Variants in GRAMD1B observed in about 807,000 individuals in gnomAD.
The protein encoded by GRAMD1B is GRAM domain containing 1B, also known as protein Aster-B.
Under a neutral mutation model 99.7 loss-of-function variants are expected in GRAMD1B, and 37 were observed. That is an observed-to-expected ratio of 0.37 (90% CI 0.29 to 0.49). The LOEUF is 0.49. Ranked by LOEUF, GRAMD1B falls within the 20% of genes least tolerant of loss-of-function variation. The pLI, the probability that GRAMD1B is intolerant of heterozygous loss-of-function variation, is 0.98. For synonymous variants in GRAMD1B, 427 were observed against 387.6 expected (o/e 1.10, Z -1.19); for missense variants, 888 against 1,009.2 (o/e 0.88, Z 1.63).
chr11:123,568,087 T>G (rs1166515762), intron 2 of GRAMD1B, among the ~76,000 whole-genome samples: 3 of 152,024 alleles, frequency 2.0e-5, no homozygotes, highest in Admixed American at 6.5e-5. Context: ...ATCTTTAAAT[T>G]TCTTTGTAAA....
At chr11:123,474,076 G>A (rs532544107) in intron 1 of GRAMD1B, among the ~76,000 whole-genome samples, 1 of 152,276 alleles carries the variant, frequency 6.6e-6, no homozygotes, top group Admixed American at 6.5e-5. Flanking sequence ...GGCCTTTTCT[G>A]TTATCTTTCT....
intron 2 of GRAMD1B, among the ~76,000 whole-genome samples, chr11:123,547,166 G>C (rs1317873036): frequency 6.6e-6 from 1 of 152,174 alleles, no homozygotes; most frequent in Non-Finnish European, 1.5e-5. Flanking sequence ...AGATTGAAAG[G>C]CCTTTCCACT....
intron 1 of GRAMD1B, among the ~76,000 whole-genome samples, chr11:123,479,482 A>G (rs1476809026): frequency 6.6e-6 from 1 of 152,224 alleles, no homozygotes; most frequent in African/African-American, 2.4e-5. Context: ...CCACCAGAAC[A>G]AGGAGAAAAT....
At chr11:123,469,772 T>TCTCCTTCCTTCCTTCCTTCCTTCC (rs1950907169) in intron 1 of GRAMD1B, among the ~76,000 whole-genome samples, 2 of 108,290 alleles carry the variant, frequency 1.8e-5, no homozygotes, top group Admixed American at 9.4e-5. Context: ...TTTCTTTCTC[T>TCTCCTTCCTTCCTTCCTTCCTTCC]TTCTTTCCTT....
intron 2 of GRAMD1B, among the ~76,000 whole-genome samples, chr11:123,527,375 A>T (rs997976691): frequency 6.6e-6 from 1 of 152,090 alleles, no homozygotes; most frequent in Non-Finnish European, 1.5e-5. Context: ...AGGGCCCTTT[A>T]GTGGGTCTTG....
chr11:123,612,701 T>C (rs538842259), intron 14 of GRAMD1B, 60 bp from the exon 15 acceptor site: 12 of 931,356 alleles, frequency 1.3e-5, no homozygotes, highest in African/African-American at 1.6e-5. Context: ...ATTTCCCTTT[T>C]CCCAGCAGAG....
chr11:123,532,864 A>G (rs3016475), intron 2 of GRAMD1B, among the ~76,000 whole-genome samples: 140,022 of 152,352 alleles, frequency 0.92, 64,372 homozygotes, highest in East Asian at 0.99. Context: ...GAGTAGTTGC[A>G]ACAGGTCTAT....
At chr11:123,495,140 GACACACATACAC>G (rs1339862013) in intron 2 of GRAMD1B, among the ~76,000 whole-genome samples, 4 of 102,686 alleles carry the variant, frequency 3.9e-5, no homozygotes, top group Non-Finnish European at 8.4e-5. Context: ...CACACACACA[GACACACATACAC>G]ACACACATAA....
chr11:123,532,452 G>A (rs1325344857), intron 2 of GRAMD1B, among the ~76,000 whole-genome samples: 1 of 152,212 alleles, frequency 6.6e-6, no homozygotes, highest in African/African-American at 2.4e-5. Flanking sequence ...GGGGAGAACT[G>A]GAAATATGAG....
chr11:123,362,659 A>C (rs1946183886), intron 1 of GRAMD1B, among the ~76,000 whole-genome samples: 1 of 152,208 alleles, frequency 6.6e-6, no homozygotes, highest in Non-Finnish European at 1.5e-5. Flanking sequence ...TAGATGAGGA[A>C]GTATAAAAAG....
chr11:123,559,332 G>T (rs994257522), intron 2 of GRAMD1B, among the ~76,000 whole-genome samples: 3 of 152,202 alleles, frequency 2.0e-5, no homozygotes, highest in South Asian at 2.1e-4. Flanking sequence ...GAGGCAATTA[G>T]TTAATCGCCA....
intron 1 of GRAMD1B, 98 bp from the exon 2 acceptor site, chr11:123,480,718 G>A: frequency 2.5e-6 from 1 of 396,924 alleles, no homozygotes; most frequent in East Asian, 3.6e-5. Context: ...TTAAAATTTT[G>A]TAACCCCATG....
chr11:123,608,605 G>GCCCCCT, intron 11 of GRAMD1B, 54 bp from the exon 12 acceptor site: 1 of 1,558,832 alleles, frequency 6.4e-7, no homozygotes, highest in South Asian at 1.2e-5. Flanking sequence ...TGTCCCTGGG[G>GCCCCCT]CCCCCTCCCC....
At chr11:123,453,281 A>G (rs1254695898) in intron 1 of GRAMD1B, among the ~76,000 whole-genome samples, 1 of 151,788 alleles carries the variant, frequency 6.6e-6, no homozygotes, top group East Asian at 1.9e-4. Flanking sequence ...ATACACATCA[A>G]TATATATTAA....
intron 2 of GRAMD1B, among the ~76,000 whole-genome samples, chr11:123,481,884 G>A (rs968948466): frequency 6.6e-6 from 1 of 152,156 alleles, no homozygotes; most frequent in Non-Finnish European, 1.5e-5. Context: ...TTTTGGTCTA[G>A]CTCTGTTTAT....
intron 1 of GRAMD1B, among the ~76,000 whole-genome samples, chr11:123,387,034 C>A (rs1391111266): frequency 6.6e-6 from 1 of 152,154 alleles, no homozygotes; most frequent in Non-Finnish European, 1.5e-5. Flanking sequence ...GCCTGTTAGA[C>A]CATGACTGCA....
chr11:123,421,073 A>G (rs950406110), intron 1 of GRAMD1B, among the ~76,000 whole-genome samples: 2 of 152,210 alleles, frequency 1.3e-5, no homozygotes, highest in Non-Finnish European at 2.9e-5. Context: ...TTACAGATAT[A>G]CTTTTAGTAA....
intron 1 of GRAMD1B, among the ~76,000 whole-genome samples, chr11:123,460,967 C>T (rs540002895): frequency 6.6e-6 from 1 of 152,284 alleles, no homozygotes; most frequent in East Asian, 1.9e-4. Context: ...ACACAAGGCT[C>T]TCTGTGTCTT....
At chr11:123,414,550 A>AT (rs915975500) in intron 1 of GRAMD1B, among the ~76,000 whole-genome samples, 46 of 151,814 alleles carry the variant, frequency 3.0e-4, no homozygotes, top group African/African-American at 1.1e-3. Context: ...TTCAAATGTA[A>AT]TTTTCCTTAT....
Sources: allele counts gnomAD v4.1 joint callset (sites outside exome capture counted in the v4.1 genomes callset), GRCh38; gene constraint gnomAD v4.1.1; transcripts MANE v1.5; gene names NCBI Gene and HGNC (gene_info 2026-07-23, HGNC 2026-07-21).